Variants in TMEM163 observed in about 807,000 individuals in gnomAD.
TMEM163 encodes the protein transmembrane protein 163.
In TMEM163, 17 loss-of-function variants were observed where a neutral mutation model predicts 29.3. That is an observed-to-expected ratio of 0.58 (90% CI 0.40 to 0.87). The LOEUF (loss-of-function observed/expected upper bound fraction) is 0.87. Among genes scored for constraint, TMEM163 ranks in the 40% least tolerant of loss-of-function variants. TMEM163 has a pLI of 0.00. For synonymous variants in TMEM163, 157 were observed against 160.6 expected (o/e 0.98, Z 0.17); for missense variants, 303 against 381.5 (o/e 0.79, Z 1.71).
chr2:134,636,578 T>A (rs1438640928), intron 2 of TMEM163, among the ~76,000 whole-genome samples: 1 of 152,214 alleles, frequency 6.6e-6, no homozygotes, highest in Non-Finnish European at 1.5e-5. Flanking sequence ...ACTTAGTTTA[T>A]AGTTTAAAGT....
intron 5 of TMEM163, chr2:134,468,565 G>C (rs1686720700): frequency 6.6e-6 from 1 of 152,276 alleles, no homozygotes; most frequent in African/African-American, 2.4e-5. Context: ...GAGGCAGTCA[G>C]GAAATTCAAG....
intron 2 of TMEM163, among the ~76,000 whole-genome samples, chr2:134,613,913 T>G (rs1558965044): frequency 1.3e-5 from 2 of 152,158 alleles, no homozygotes; most frequent in Non-Finnish European, 2.9e-5. Flanking sequence ...CAAAATTTAT[T>G]TATAGGTCTA....
At chr2:134,571,850 A>G (rs1017905690) in intron 2 of TMEM163, among the ~76,000 whole-genome samples, 1 of 152,188 alleles carries the variant, frequency 6.6e-6, no homozygotes, top group Non-Finnish European at 1.5e-5. Flanking sequence ...GGCTTGTTGC[A>G]TAGGTCATAT....
chr2:134,510,374 C>T (rs1284472001), intron 4 of TMEM163, among the ~76,000 whole-genome samples: 1 of 152,180 alleles, frequency 6.6e-6, no homozygotes, highest in Non-Finnish European at 1.5e-5. Context: ...GAAGTCGCTG[C>T]AGCATTTTAA....
At chr2:134,585,471 G>T (rs1488209721) in intron 2 of TMEM163, among the ~76,000 whole-genome samples, 2 of 152,154 alleles carry the variant, frequency 1.3e-5, no homozygotes, top group African/African-American at 2.4e-5. Flanking sequence ...TGGCCGAGTG[G>T]GGTGGCTCAC....
chr2:134,518,225 T>C (rs900362374), intron 4 of TMEM163, among the ~76,000 whole-genome samples: 2 of 152,242 alleles, frequency 1.3e-5, no homozygotes, highest in Non-Finnish European at 2.9e-5. Context: ...TAATGATTCA[T>C]CTTAGAGCTT....
intron 2 of TMEM163, among the ~76,000 whole-genome samples, chr2:134,673,135 T>TA (rs997735822): frequency 2.6e-5 from 4 of 152,130 alleles, no homozygotes; most frequent in Admixed American, 6.5e-5. Flanking sequence ...CACACATGCC[T>TA]AAAGTTTTAC....
At chr2:134,598,736 G>C (rs1682150701) in intron 2 of TMEM163, among the ~76,000 whole-genome samples, 2 of 151,856 alleles carry the variant, frequency 1.3e-5, no homozygotes, top group Non-Finnish European at 2.9e-5. Context: ...GGCCAACATG[G>C]TGAAACCCCG....
intron 2 of TMEM163, among the ~76,000 whole-genome samples, chr2:134,654,112 C>T (rs1294643292): frequency 1.1e-5 from 1 of 91,504 alleles, no homozygotes; most frequent in East Asian, 2.2e-4. Flanking sequence ...TGTTGACTTT[C>T]TGTCTCGTTG....
chr2:134,470,944 G>A (rs1330687090), intron 5 of TMEM163, among the ~76,000 whole-genome samples: 1 of 152,192 alleles, frequency 6.6e-6, no homozygotes, highest in East Asian at 1.9e-4. Context: ...GGCCGAGGCG[G>A]GAAGAACACT....
Position 134,541,703 on chromosome 2 carries a change from C to A in TMEM163, c.458+8867G>T, listed in dbSNP as rs115869716. ...TGTTAAATACAGAAAAAACAGTTTT[C>A]AAAAAAACTATACGTAGATCATCTC... On this transcript the variant is annotated intron_variant, in intron 4 of 7. Transcript: ENST00000281924. 6.4e-3 allele frequency among the ~76,000 whole-genome samples: 971 copies of A among 151,926 alleles called. 11 individuals are homozygous for A. The highest frequency in any genetic ancestry group is 0.022 in the African/African-American group (920 of 41,438).
chr2:134,612,985 T>C (rs923479738), intron 2 of TMEM163, among the ~76,000 whole-genome samples: 2 of 152,182 alleles, frequency 1.3e-5, no homozygotes, highest in Non-Finnish European at 2.9e-5. Context: ...TTTATAAATG[T>C]GTCAAAGAAC....
chr2:134,536,376 TG>T (rs1449619488), intron 4 of TMEM163, among the ~76,000 whole-genome samples: 1 of 152,188 alleles, frequency 6.6e-6, no homozygotes, highest in Non-Finnish European at 1.5e-5. Flanking sequence ...TGACTGAGGT[TG>T]GGGCTGTTTA....
intron 2 of TMEM163, among the ~76,000 whole-genome samples, chr2:134,677,534 G>T (rs780786837): frequency 3.9e-5 from 6 of 152,070 alleles, no homozygotes; most frequent in Admixed American, 6.5e-5. Flanking sequence ...TTCCTCTTGC[G>T]GGGAGCAGGG....
chr2:134,714,783 G>A (rs1447819548), intron 1 of TMEM163, among the ~76,000 whole-genome samples: 1 of 152,128 alleles, frequency 6.6e-6, no homozygotes, highest in Non-Finnish European at 1.5e-5. Flanking sequence ...TGGACTTGGA[G>A]GGAAAAAATA....
At chr2:134,590,791 G>A (rs1373818653) in intron 2 of TMEM163, among the ~76,000 whole-genome samples, 1 of 152,096 alleles carries the variant, frequency 6.6e-6, no homozygotes, top group Non-Finnish European at 1.5e-5. Flanking sequence ...GTCATGGTGA[G>A]AGACGAGAAA....
intron 2 of TMEM163, among the ~76,000 whole-genome samples, chr2:134,563,283 G>A (rs1049513268): frequency 2.0e-5 from 3 of 152,162 alleles, no homozygotes; most frequent in South Asian, 2.1e-4. Context: ...CAGGTGCCCC[G>A]AGAATAAGTA....
intron 2 of TMEM163, among the ~76,000 whole-genome samples, chr2:134,675,264 T>C (rs904481929): frequency 6.6e-6 from 1 of 152,214 alleles, no homozygotes; most frequent in African/African-American, 2.4e-5. Context: ...TAGTAAACTA[T>C]AATAAAACAC....
intron 4 of TMEM163, among the ~76,000 whole-genome samples, chr2:134,532,999 C>G (rs1012771396): frequency 2.6e-5 from 4 of 152,136 alleles, no homozygotes; most frequent in African/African-American, 9.7e-5. Flanking sequence ...TGGGCTAGGA[C>G]ACACTATGGA....
Sources: gnomAD v4.1 joint callset for allele counts (sites outside exome capture counted in the v4.1 genomes callset) on GRCh38, gnomAD v4.1.1 for gene constraint, MANE v1.5 for transcripts, NCBI Gene and HGNC (gene_info 2026-07-23, HGNC 2026-07-21) for gene names.